Variants in ATG2B observed in about 807,000 individuals in gnomAD.
ATG2B encodes the protein autophagy related 2B, also known as autophagy-related protein 2 homolog B.
In ATG2B, 121 loss-of-function variants were observed where a neutral mutation model predicts 241.3. The ratio of observed to expected loss-of-function variants is 0.50; its 90% CI spans 0.43 to 0.58. The LOEUF (loss-of-function observed/expected upper bound fraction) is 0.58. ATG2B is among the 20% of genes least tolerant of loss of function. ATG2B has a pLI of 0.00. For synonymous variants in ATG2B, 858 were observed against 876.6 expected, an observed-to-expected ratio of 0.98 and a Z score of 0.37; for missense variants, 2,306 against 2,491.6, an observed-to-expected ratio of 0.93 and a Z score of 1.59.
rs1332564297 is a variant in ATG2B, at chr14:96,298,015, G to C, written c.5140-2455C>G. On this transcript the variant is annotated intron_variant, in intron 34 of 41. Coordinates refer to ENST00000359933, the MANE Select transcript of ATG2B (RefSeq NM_018036.7). ...TCACTATGTTGCCCAGGCTGATCTT[G>C]AACTTCTAGGCTCAAGCAATCCTCC... Among the ~76,000 whole-genome samples, 4 of 151,726 alleles carry C rather than the reference G, an allele frequency of 2.6e-5. No homozygotes were observed. In the East Asian group the frequency reaches 7.8e-4, roughly 30 times the overall value.
Position 96,322,819 on chromosome 14 carries a change from C to G in ATG2B, c.2541-84G>C, listed in dbSNP as rs182359658. 4,155 of 1,074,030 alleles carry G rather than the reference C, an allele frequency of 3.9e-3. 14 individuals are homozygous for G. Among genetic ancestry groups the G allele is most frequent in the Middle Eastern group, 9.4e-3 (44 of 4,674 alleles). 66.5% of individuals were successfully genotyped at this position (1,074,030 alleles called of 1,614,324 possible). On this transcript the variant is annotated intron_variant, in intron 16 of 41. Transcript: ENST00000359933. Reference sequence around the variant, plus strand: ...ACTTTTGTGCAAATTAATACACACACCACTGGTTAAATCTTAATGATAGAA... The same window carrying G: ...ACTTTTGTGCAAATTAATACACACAGCACTGGTTAAATCTTAATGATAGAA...
chr14:96,294,957 T>C lies in ATG2B; in HGVS notation c.5426+3A>G. On this transcript the variant is annotated splice_donor_region_variant and intron_variant, in intron 36 of 41. Transcript: ENST00000359933. Reference sequence around the variant, plus strand: ...CATTTGTTATTAAAACTAAATTAGTTACCTAAAAAACACAGGCTGATCCCT... The same window carrying C: ...CATTTGTTATTAAAACTAAATTAGTCACCTAAAAAACACAGGCTGATCCCT... 6.2e-7 allele frequency: 1 copy of C among 1,612,642 alleles called. No individual in the cohort carries two copies. The highest frequency in any genetic ancestry group is 8.5e-7 in the Non-Finnish European group (1 of 1,179,094).
chr14:96,287,704 T>A (rs1485067682), intron 41 of ATG2B, among the ~76,000 whole-genome samples: 1 of 152,160 alleles, frequency 6.6e-6, no homozygotes. Flanking sequence ...TACCACCAAA[T>A]AGAACTATGT....
chr14:96,300,443 T>A lies in ATG2B; in HGVS notation c.5139+1564A>T, dbSNP rs150978130. Among the ~76,000 whole-genome samples the A allele has an allele frequency of 6.3e-3, 965 of 152,240 alleles. 14 individuals are homozygous for A. The highest frequency in any genetic ancestry group is 0.022 in the African/African-American group (919 of 41,544). ...CAGGAGTCTGAGGCGGGAGGATAGT[T>A]TGAGCCCAGGAGGTCAAGGCTGCAG... On this transcript the variant is annotated intron_variant, in intron 34 of 41. Coordinates refer to ENST00000359933, the MANE Select transcript of ATG2B (RefSeq NM_018036.7).
At chr14:96,341,744 A>G (rs1310994573) in intron 5 of ATG2B, 43 bp from the exon 6 acceptor site, 3 of 1,303,646 alleles carry the variant, frequency 2.3e-6, no homozygotes, top group Non-Finnish European at 3.1e-6. Context: ...ATACTTTCAT[A>G]TAAATAAAAT....
Position 96,329,653 on chromosome 14 carries a change from C to T in ATG2B, c.1731-19G>A. On this transcript the variant is annotated intron_variant, in intron 11 of 41. Transcript: ENST00000359933. Reference sequence around the variant, plus strand: ...TATAAATCTATTATAAAAAATGCACCATTTAAGATTATTAGTGTTAAAATG... The same window carrying T: ...TATAAATCTATTATAAAAAATGCACTATTTAAGATTATTAGTGTTAAAATG... 1 of 1,524,332 alleles carries T rather than the reference C, an allele frequency of 6.6e-7. No individual in the cohort carries two copies. Among genetic ancestry groups the T allele is most frequent in the Non-Finnish European group, 9.0e-7 (1 of 1,110,244 alleles). The allele number at this position is 1,524,332 out of a possible 1,614,324, so 94.4% of individuals were successfully genotyped here. A position where few individuals can be genotyped will look rare whatever the true frequency, so the allele number is the denominator to read the frequency against.
chr14:96,315,123 T>G, intron 23 of ATG2B, 31 bp downstream of exon 23: 3 of 1,541,222 alleles, frequency 1.9e-6, no homozygotes, highest in Non-Finnish European at 2.7e-6. Context: ...AATTTTTAAA[T>G]AAATTAATAC....
rs762953049 is a variant in ATG2B, at chr14:96,345,305, G to A, written c.406C>T (p.Leu136=). The change falls in exon 3 of 42, where the codon CTA becomes TTA. Residue 136 remains leucine (L), a synonymous_variant. Transcript: ENST00000359933. ...QLAKECLSQK[L]TDEQGEGSQP... ...GATCCTTCTCCTTGTTCATCTGTTAGTTTCTGGCTAAGACATTCTTTTGCC... is the reference window on the plus strand; with the variant it reads ...GATCCTTCTCCTTGTTCATCTGTTAATTTCTGGCTAAGACATTCTTTTGCC... The A allele has an allele frequency of 1.2e-6, 2 of 1,613,368 alleles. No individual in the cohort carries two copies. The highest frequency in any genetic ancestry group is 2.2e-5 in the South Asian group (2 of 91,018).
rs575525718 is a variant in ATG2B at position 96,289,078 on chromosome 14, GGATTAA to G, written c.6006+572_6006+577del. Among the ~76,000 whole-genome samples the G allele has an allele frequency of 5.1e-4, 77 of 152,110 alleles. No individual in the cohort carries two copies. Among genetic ancestry groups the G allele is most frequent in the African/African-American group, 1.7e-3 (69 of 41,478 alleles). ...AAAACTGTGGAAATTAGACCTACAT[GGATTAA>G]GATTAACATGGATCTATCTTGAAAT... On this transcript the variant is annotated intron_variant, in intron 41 of 41. Coordinates refer to ENST00000359933, the MANE Select transcript of ATG2B (RefSeq NM_018036.7). This position sits in a 1 kb window ranked among gnomAD's most constrained non-coding sequence, Gnocchi z 4.3.
chr14:96,303,213 A>G lies in ATG2B; in HGVS notation c.4885T>C (p.Cys1629Arg). The G allele has an allele frequency of 2.5e-5, 40 of 1,609,248 alleles. No homozygotes were observed. Among genetic ancestry groups the G allele is most frequent in the Non-Finnish European group, 3.4e-5 (40 of 1,177,654 alleles). ...HEVYPPCKPDCDSSLSEHPVS... is the reference protein window; with the variant it reads ...HEVYPPCKPDRDSSLSEHPVS... Reference sequence around the variant, plus strand: ...GGGTGTTCTGAGAGGCTGGAATCACAATCAGGTTTGCATGGCGGGTAGACT... The same window carrying G: ...GGGTGTTCTGAGAGGCTGGAATCACGATCAGGTTTGCATGGCGGGTAGACT... The change falls in exon 33 of 42, where the codon TGT becomes CGT. Residue 1629 changes from cysteine to arginine, a missense_variant. This residue lies in a region of ATG2B where 1,927 missense variants were observed against 2,011.2 expected (regional missense o/e 0.96). Transcript: ENST00000359933.
Position 96,323,979 on chromosome 14 carries a change from T to C in ATG2B, c.2457A>G (p.Lys819=). ...GGAAAAACTTAATAGATGGATCTCCTTTCTCTTCCTGGAACGATCCTAAAA... is the reference window on the plus strand; with the variant it reads ...GGAAAAACTTAATAGATGGATCTCCCTTCTCTTCCTGGAACGATCCTAAAA... ...RELIGSFQEE[K]GDPSIKFFHV... The change falls in exon 16 of 42, where the codon AAA becomes AAG. Residue 819 remains lysine, a synonymous_variant. Coordinates refer to ENST00000359933, the MANE Select transcript of ATG2B (RefSeq NM_018036.7). The C allele has an allele frequency of 6.2e-7, 1 of 1,604,558 alleles. No homozygotes were observed. The highest frequency in any genetic ancestry group is 8.5e-7 in the Non-Finnish European group (1 of 1,176,548).
intron 1 of ATG2B, among the ~76,000 whole-genome samples, chr14:96,351,509 G>A (rs888336447): frequency 5.9e-5 from 9 of 152,120 alleles, no homozygotes; most frequent in African/African-American, 2.2e-4. Flanking sequence ...GCTGAGGCAG[G>A]CAGATTGCCT....
At chr14:96,324,961 C>T (rs77615395) in intron 15 of ATG2B, among the ~76,000 whole-genome samples, 3,692 of 152,148 alleles carry the variant, frequency 0.024, 156 homozygotes, top group African/African-American at 0.084. Context: ...GTCTAGGAAC[C>T]ACAGGATAAA....
intron 28 of ATG2B, among the ~76,000 whole-genome samples, chr14:96,310,225 T>C (rs1290888680): frequency 6.6e-6 from 1 of 152,176 alleles, no homozygotes; most frequent in East Asian, 1.9e-4. Flanking sequence ...TAAAAGGGAA[T>C]AAATAGTAGG....
chr14:96,329,677 T>A, intron 11 of ATG2B, 43 bp from the exon 12 acceptor site: 1 of 1,330,608 alleles, frequency 7.5e-7, no homozygotes, highest in Non-Finnish European at 1.1e-6. Context: ...AGTGTTAAAA[T>A]GTAACAATTA....
In ATG2B at chr14:96,294,831, C is replaced by T. The variant is rs192532802; in HGVS notation, c.5426+129G>A. 3.5e-3 allele frequency: 2,633 copies of T among 761,062 alleles called. 11 individuals carry two copies. The highest frequency in any genetic ancestry group is 5.0e-3 in the Non-Finnish European group (2,378 of 473,906). 47.1% of individuals were successfully genotyped at this position (761,062 alleles called of 1,614,324 possible). ...GATGGGGACCACAAACAGATAAATA[C>T]ACCAGCTGATGATTTGGCAGTGCAA... On this transcript the variant is annotated intron_variant, in intron 36 of 41. Coordinates refer to ENST00000359933, the MANE Select transcript of ATG2B (RefSeq NM_018036.7).
chr14:96,295,013 C>G lies in ATG2B; in HGVS notation c.5373G>C (p.Glu1791Asp). The change falls in exon 36 of 42, where the codon GAG (glutamate) becomes GAC (aspartate). Residue 1791 changes from glutamate (E) to aspartate (D), a missense_variant. Physicochemically the swap from Glu to Asp is conservative, Grantham distance 45. Transcript: ENST00000359933. The part of the protein sequence containing the change: ...NSVEVVNGME[E>D]KNFSAEEASF... ...ATGCTTCTTCAGCAGAGAAGTTCTT[C>G]TCTTCCATGCCATTAACCACTTCCA... is the stretch of plus-strand genomic sequence containing the variant. 6.2e-7 allele frequency: 1 copy of G among 1,614,240 alleles called. No homozygotes were observed. Among genetic ancestry groups the G allele is most frequent in the Non-Finnish European group, 8.5e-7 (1 of 1,180,042 alleles).
intron 2 of ATG2B, among the ~76,000 whole-genome samples, chr14:96,346,082 TTTAG>T (rs1387298056): frequency 6.6e-6 from 1 of 152,204 alleles, no homozygotes; most frequent in East Asian, 1.9e-4. Flanking sequence ...TTAATTCTTC[TTTAG>T]TTAATTATTT....
chr14:96,322,360 C>G, intron 17 of ATG2B, 106 bp from the exon 18 acceptor site: 8 of 1,392,012 alleles, frequency 5.7e-6, no homozygotes, highest in Non-Finnish European at 7.8e-6. Context: ...AATAAATAAG[C>G]ATGAAACATT....
Sources: gnomAD v4.1 joint callset for allele counts (sites outside exome capture counted in the v4.1 genomes callset) on GRCh38, gnomAD v4.1.1 for gene constraint, gnomAD v4.1.1 regional missense constraint, Gnocchi (gnomAD v3.1) non-coding constraint, MANE v1.5 for transcripts, NCBI Gene and HGNC (gene_info 2026-07-23, HGNC 2026-07-21) for gene names.